LDLRAD4: variants seen among roughly 807,000 people sequenced by gnomAD.
LDLRAD4 encodes the protein low-density lipoprotein receptor class A domain-containing protein 4.
In LDLRAD4, 5 loss-of-function variants were observed where a neutral mutation model predicts 17.0. The ratio of observed to expected loss-of-function variants is 0.29; its 90% CI spans 0.15 to 0.62. The LOEUF (loss-of-function observed/expected upper bound fraction) is 0.62. Ranked by LOEUF, LDLRAD4 falls within the 20% of genes least tolerant of loss-of-function variation. The probability of loss-of-function intolerance (pLI) is 0.84; values close to 1 mark genes in which losing one functional copy is unlikely to be tolerated. For synonymous variants in LDLRAD4, 168 were observed against 171.8 expected, an observed-to-expected ratio of 0.98 and a Z score of 0.17; for missense variants, 340 against 424.7, an observed-to-expected ratio of 0.80 and a Z score of 1.75.
exon 6 of LDLRAD4, chr18:13,650,342 C>T (rs187415757): frequency 2.0e-5 from 8 of 400,338 alleles, no homozygotes; most frequent in South Asian, 2.5e-4. Flanking sequence ...CAATGTCTTC[C>T]TTCATCCTTT....
In LDLRAD4 at chr18:13,368,314, C is replaced by T. The variant is rs1344755050; in HGVS notation, c.-382-19027C>T. On this transcript the variant is annotated intron_variant, in intron 1 of 5. Coordinates refer to ENST00000359446, the Ensembl canonical transcript of LDLRAD4. ...AACAAGAGAGGAAGAACAGAAGAGT[C>T]GGGGGCCCTGCAGAGAACGGGGGCC... Among the ~76,000 whole-genome samples the T allele has an allele frequency of 3.9e-5, 6 of 151,970 alleles. No homozygotes were observed. In the South Asian group the frequency reaches 6.2e-4, roughly 16 times the overall value.
intron 3 of LDLRAD4, among the ~76,000 whole-genome samples, chr18:13,549,444 A>T (rs367582756): frequency 5.5e-4 from 84 of 152,170 alleles, no homozygotes; most frequent in African/African-American, 1.9e-3. Context: ...GGGGATGTCC[A>T]TCAGGTGCTT....
In LDLRAD4 at chr18:13,513,698, A is replaced by G. The variant is rs1466270212; in HGVS notation, c.181+75314A>G. On this transcript the variant is annotated intron_variant, in intron 3 of 5. Transcript: ENST00000359446. ...CACCAGGGCCCCAAGCCTTGGACCT[A>G]TGTTGGGCTTTGATTTCATGAGAGC... 2.6e-5 allele frequency among the ~76,000 whole-genome samples: 4 copies of G among 152,150 alleles called. No individual in the cohort carries two copies. In the South Asian group the frequency reaches 6.2e-4, roughly 24 times the overall value.
chr18:13,585,636 GAAAATT>G (rs2094923439), intron 3 of LDLRAD4, among the ~76,000 whole-genome samples: 2 of 152,138 alleles, frequency 1.3e-5, no homozygotes, highest in African/African-American at 4.8e-5. Flanking sequence ...AGCCCATTAG[GAAAATT>G]AAAGCATTTA....
chr18:13,588,115 C>A (rs2094958902), intron 3 of LDLRAD4, among the ~76,000 whole-genome samples: 4 of 152,140 alleles, frequency 2.6e-5, no homozygotes, highest in African/African-American at 7.2e-5. Flanking sequence ...AGAATAATTT[C>A]TTTGTCCTCC....
exon 6 of LDLRAD4, chr18:13,649,831 C>G (rs532914387): frequency 1.8e-5 from 7 of 392,018 alleles, no homozygotes; most frequent in Non-Finnish European, 2.7e-5. Flanking sequence ...TGGAGCCAAG[C>G]CTTCATGCCA....
chr18:13,229,835 G>T, intron 1 of LDLRAD4, among the ~76,000 whole-genome samples: 1 of 152,208 alleles, frequency 6.6e-6, no homozygotes, highest in South Asian at 2.1e-4. Context: ...TGTGCCCACG[G>T]TTGCCACACA....
intron 3 of LDLRAD4, among the ~76,000 whole-genome samples, chr18:13,608,671 G>T (rs1389225467): frequency 6.6e-6 from 1 of 152,030 alleles, no homozygotes; most frequent in Admixed American, 6.5e-5. Context: ...TCCTATGCAG[G>T]TCTCAACTGG....
intron 1 of LDLRAD4, among the ~76,000 whole-genome samples, chr18:13,250,802 A>G (rs887381592): frequency 3.3e-5 from 5 of 152,232 alleles, no homozygotes; most frequent in Non-Finnish European, 7.4e-5. Flanking sequence ...CCAAACCTTT[A>G]AAGAAGAATT....
chr18:13,329,634 C>A (rs57760742), intron 1 of LDLRAD4, among the ~76,000 whole-genome samples: 1,663 of 152,266 alleles, frequency 0.011, 30 homozygotes, highest in African/African-American at 0.037. Context: ...TTTAGAAAGT[C>A]ATTTTTTTCA....
intron 2 of LDLRAD4, among the ~76,000 whole-genome samples, chr18:13,388,524 A>C (rs1252686984): frequency 6.7e-6 from 1 of 148,960 alleles, no homozygotes; most frequent in African/African-American, 2.5e-5. Context: ...CCTTTCATTT[A>C]AGAGAAAGAT....
chr18:13,582,356 G>A (rs866158264), intron 3 of LDLRAD4, among the ~76,000 whole-genome samples: 12 of 152,348 alleles, frequency 7.9e-5, no homozygotes, highest in East Asian at 1.9e-4. Flanking sequence ...ATCCCAGGCC[G>A]CAGCATGGTA....
In LDLRAD4 at chr18:13,621,022, C is replaced by T. The variant is rs569033510; in HGVS notation, c.182-95C>T. ...TGAGGAACAGACGTGTGTGAGAGGC[C>T]TTCAGGGCCTGATGGCTGGGGTGGT... On this transcript the variant is annotated intron_variant, in intron 3 of 5. Transcript: ENST00000359446. This position sits in a 1 kb window ranked among gnomAD's most constrained non-coding sequence, Gnocchi z 5.5. 8 of 1,579,932 alleles carry T rather than the reference C, an allele frequency of 5.1e-6. No individual in the cohort carries two copies. The East Asian group carries it at 1.8e-4, about 35-fold the overall frequency.
chr18:13,495,084 C>G (rs2093439952), intron 3 of LDLRAD4, among the ~76,000 whole-genome samples: 1 of 152,068 alleles, frequency 6.6e-6, no homozygotes. Context: ...GAATCATTGT[C>G]TGAGAAAATG....
chr18:13,536,884 A>G (rs1342812282), intron 3 of LDLRAD4, among the ~76,000 whole-genome samples: 1 of 152,100 alleles, frequency 6.6e-6, no homozygotes, highest in African/African-American at 2.4e-5. Flanking sequence ...AAATGATTAT[A>G]TGTTTTTTTC....
intron 3 of LDLRAD4, among the ~76,000 whole-genome samples, chr18:13,559,620 G>A (rs1462802439): frequency 6.6e-6 from 1 of 152,108 alleles, no homozygotes; most frequent in Non-Finnish European, 1.5e-5. Context: ...AAGTATATCT[G>A]TGTACATATG....
At chr18:13,349,857 C>G (rs532710698) in intron 1 of LDLRAD4, among the ~76,000 whole-genome samples, 9 of 152,052 alleles carry the variant, frequency 5.9e-5, no homozygotes, top group African/African-American at 2.2e-4. Context: ...CTATTCAACT[C>G]CCACTTACGA....
At chr18:13,250,920 A>G (rs1020901572) in intron 1 of LDLRAD4, among the ~76,000 whole-genome samples, 9 of 152,220 alleles carry the variant, frequency 5.9e-5, no homozygotes, top group Admixed American at 5.2e-4. Context: ...AAATAAGAAC[A>G]CAGCAAATAA....
intron 1 of LDLRAD4, among the ~76,000 whole-genome samples, chr18:13,314,053 A>G (rs2080804463): frequency 6.6e-6 from 1 of 152,204 alleles, no homozygotes; most frequent in Non-Finnish European, 1.5e-5. Context: ...GAAGAGATTT[A>G]GTGCAGCCAG....
Sources: gnomAD v4.1 joint callset for allele counts (sites outside exome capture counted in the v4.1 genomes callset) on GRCh38, gnomAD v4.1.1 for gene constraint, Gnocchi (gnomAD v3.1) non-coding constraint, MANE v1.5 for transcripts, NCBI Gene and HGNC (gene_info 2026-07-23, HGNC 2026-07-21) for gene names.